The following ABLIM3 variants were observed in gnomAD, a reference collection of about 807,000 sequenced individuals.
The protein encoded by ABLIM3 is actin-binding LIM protein 3.
ABLIM3 carries 61 observed loss-of-function variants against 109.5 expected under a neutral mutation model. The observed-to-expected ratio is 0.56, with a 90% CI of 0.45 to 0.69. The LOEUF is 0.69. Ranked by LOEUF, ABLIM3 falls within the 30% of genes least tolerant of loss-of-function variation. The probability of loss-of-function intolerance (pLI) is 0.00; values close to 1 mark genes in which losing one functional copy is unlikely to be tolerated. For synonymous variants in ABLIM3, 300 were observed against 324.8 expected, an observed-to-expected ratio of 0.92 and a Z score of 0.82; for missense variants, 796 against 889.5, an observed-to-expected ratio of 0.89 and a Z score of 1.34.
At chr5:149,167,541 A>G (rs1754939169) in intron 2 of ABLIM3, among the ~76,000 whole-genome samples, 1 of 152,208 alleles carries the variant, frequency 6.6e-6, no homozygotes, top group Non-Finnish European at 1.5e-5. Context: ...GGTCTCAACA[A>G]GGATGTCATT....
At chr5:149,222,900 A>T (rs545401833) in intron 8 of ABLIM3, among the ~76,000 whole-genome samples, 1 of 152,268 alleles carries the variant, frequency 6.6e-6, no homozygotes, top group Non-Finnish European at 1.5e-5. Context: ...ATAATTTCGT[A>T]GTTTAGCATT....
At chr5:149,175,213 G>A (rs764380816) in intron 2 of ABLIM3, among the ~76,000 whole-genome samples, 10 of 152,178 alleles carry the variant, frequency 6.6e-5, no homozygotes, top group Non-Finnish European at 1.5e-5. Context: ...ATGACCAAGT[G>A]TAGCCGGATG....
intron 10 of ABLIM3, among the ~76,000 whole-genome samples, 195 bp downstream of exon 10, chr5:149,233,495 G>A (rs1347144905): frequency 6.6e-6 from 1 of 152,178 alleles, no homozygotes; most frequent in Non-Finnish European, 1.5e-5. Flanking sequence ...CCCTCATGAA[G>A]CAAACAGTCT....
chr5:149,170,977 C>A (rs996461158), intron 2 of ABLIM3, among the ~76,000 whole-genome samples: 5 of 152,162 alleles, frequency 3.3e-5, no homozygotes, highest in African/African-American at 1.2e-4. Context: ...ATGGTACTTT[C>A]CCTAATTTTT....
chr5:149,172,379 G>A (rs1395622543), intron 2 of ABLIM3, among the ~76,000 whole-genome samples: 2 of 152,132 alleles, frequency 1.3e-5, no homozygotes, highest in African/African-American at 4.8e-5. Context: ...TTCCTCCAGT[G>A]GGTCATGGTC....
At position 149,231,952 on chromosome 5, in the gene ABLIM3, C is replaced by T. The variant is rs145611307; in HGVS notation, c.816+1245C>T. Among the ~76,000 whole-genome samples, 872 of 152,206 alleles carry T rather than the reference C, an allele frequency of 5.7e-3. 9 individuals carry two copies. Among genetic ancestry groups the T allele is most frequent in the African/African-American group, 0.02 (832 of 41,510 alleles). On this transcript the variant is annotated intron_variant, in intron 9 of 23. Coordinates refer to ENST00000309868, the MANE Select transcript of ABLIM3 (RefSeq NM_014945.5). The stretch of plus-strand genomic sequence containing the variant: ...TAAATTCAATGATAATGAAATAATT[C>T]TTAAGAATAAATGTTTAAAATCCTA...
At position 149,207,153 on chromosome 5, in the gene ABLIM3, G is replaced by T. The variant is rs747536579; in HGVS notation, c.575+19G>T. On this transcript the variant is annotated intron_variant, in intron 6 of 23. Coordinates refer to ENST00000309868, the MANE Select transcript of ABLIM3 (RefSeq NM_014945.5). ...TCAGCAAGTGGGTCCCCCTGCTCCT[G>T]CCCCAGCTGCCTGGGCCTCTGCATT... is the stretch of plus-strand genomic sequence containing the variant. The T allele has an allele frequency of 1.1e-5, 18 of 1,609,510 alleles. No homozygotes were observed. Among genetic ancestry groups the T allele is most frequent in the Non-Finnish European group, 1.5e-5 (18 of 1,177,334 alleles).
chr5:149,244,750 C>A, intron 15 of ABLIM3, 131 bp from the exon 16 acceptor site: 1 of 1,192,420 alleles, frequency 8.4e-7, no homozygotes, highest in Non-Finnish European at 1.2e-6. Context: ...TGGCCCAGTT[C>A]TAACAGAGAG....
At chr5:149,182,812 A>G (rs1756582016) in intron 2 of ABLIM3, among the ~76,000 whole-genome samples, 2 of 152,198 alleles carry the variant, frequency 1.3e-5, no homozygotes, top group East Asian at 3.8e-4. Context: ...TTAATTGTAT[A>G]CATGTAACAT....
At chr5:149,149,819 C>G (rs1376196576) in intron 2 of ABLIM3, among the ~76,000 whole-genome samples, 1 of 152,118 alleles carries the variant, frequency 6.6e-6, no homozygotes, top group Non-Finnish European at 1.5e-5. Context: ...CATTAAGAAA[C>G]AAACAAAGAG....
chr5:149,257,022 T>C (rs1421491147), intron 23 of ABLIM3, among the ~76,000 whole-genome samples: 1 of 152,256 alleles, frequency 6.6e-6, no homozygotes, highest in African/African-American at 2.4e-5. Context: ...TTAGTTCACA[T>C]GGCCATGCGC....
intron 6 of ABLIM3, 43 bp from the exon 7 acceptor site, chr5:149,210,683 A>T (rs751174454): frequency 5.1e-6 from 8 of 1,571,750 alleles, no homozygotes; most frequent in Non-Finnish European, 7.0e-6. Flanking sequence ...ACCCTCACTG[A>T]TCCTCCCTAA....
Position 149,252,760 on chromosome 5 carries a change from T to C in ABLIM3, c.1861T>C (p.Tyr621His), listed in dbSNP as rs1230623773. Residue 621 changes from tyrosine to histidine, a missense_variant, in exon 23 of 24, where the codon TAC (tyrosine) becomes CAC (histidine). Physicochemically the swap from Tyr to His is moderately conservative, Grantham distance 83. Transcript: ENST00000309868. Reference protein sequence around the residue: ...VNWGMREYKIYPYELLLVTTR... With the variant: ...VNWGMREYKIHPYELLLVTTR... ...GACCACCCCCCTTTCTCCTTAGATC[T>C]ACCCTTATGAACTGCTGCTGGTGAC... 6.2e-7 allele frequency: 1 copy of C among 1,612,972 alleles called. No homozygotes were observed. Among genetic ancestry groups the C allele is most frequent in the South Asian group, 1.1e-5 (1 of 91,054 alleles).
chr5:149,183,309 TC>T, intron 2 of ABLIM3, 142 bp from the exon 3 acceptor site: 1 of 999,852 alleles, frequency 1.0e-6, no homozygotes, highest in South Asian at 2.1e-5. Flanking sequence ...TTGGCAGTCA[TC>T]CTGATGATGA....
chr5:149,239,159 G>T, intron 11 of ABLIM3, 89 bp from the exon 12 acceptor site: 1 of 1,316,922 alleles, frequency 7.6e-7, no homozygotes, highest in East Asian at 2.3e-5. Context: ...TCTCTGCCGA[G>T]CCATCTAACC....
chr5:149,208,928 A>G (rs1759279766), intron 6 of ABLIM3, among the ~76,000 whole-genome samples: 1 of 152,234 alleles, frequency 6.6e-6, no homozygotes, highest in African/African-American at 2.4e-5. Context: ...AGATTCAAAA[A>G]TGCAAAGAAG....
In ABLIM3 at chr5:149,249,817, C is replaced by A; in HGVS notation, c.1702C>A (p.Pro568Thr). Reference protein sequence around the residue: ...AGYEMSLNGSPRSHYLADSDP... With the variant: ...AGYEMSLNGSTRSHYLADSDP... ...CCTTCAGCTTTTCTCTCCTGCAGCC[C>A]CTCGGTCGCACTACCTGGCTGACAG... The change falls in exon 19 of 24, where the codon CCT (proline) becomes ACT (threonine). Residue 568 changes from proline (P) to threonine (T), a missense_variant and splice_region_variant. Pro to Thr is a conservative substitution (Grantham distance 38). Transcript: ENST00000309868. The A allele has an allele frequency of 2.5e-6, 4 of 1,614,178 alleles. No homozygotes were observed. Among genetic ancestry groups the A allele is most frequent in the Non-Finnish European group, 3.4e-6 (4 of 1,180,004 alleles).
Position 149,198,725 on chromosome 5 carries a change from G to A in ABLIM3, c.335+323G>A, listed in dbSNP as rs1251540444. Among the ~76,000 whole-genome samples, 2 of 152,198 alleles carry A rather than the reference G, an allele frequency of 1.3e-5. No homozygotes were observed. The highest frequency in any genetic ancestry group is 3.8e-4 in the East Asian group (2 of 5,196). ...AAACCACTGATTCTCTCAGAACTCA[G>A]TTTGGAAACTGTGGATCTGGCCCAT... On this transcript the variant is annotated intron_variant, in intron 4 of 23. Coordinates refer to ENST00000309868, the MANE Select transcript of ABLIM3 (RefSeq NM_014945.5). The surrounding 1 kb of genome is among the most constrained non-coding windows in gnomAD (Gnocchi z 4.2).
chr5:149,174,032 A>C (rs1755702470), intron 2 of ABLIM3, among the ~76,000 whole-genome samples: 1 of 150,510 alleles, frequency 6.6e-6, no homozygotes, highest in African/African-American at 2.4e-5. Context: ...AAAAAAAAAA[A>C]AAAAAAAAAA....
Sources: gnomAD v4.1 joint callset for allele counts (sites outside exome capture counted in the v4.1 genomes callset) on GRCh38, gnomAD v4.1.1 for gene constraint, Gnocchi (gnomAD v3.1) non-coding constraint, MANE v1.5 for transcripts, NCBI Gene and HGNC (gene_info 2026-07-23, HGNC 2026-07-21) for gene names.